Variants in CHD2 observed in about 807,000 individuals in gnomAD.
CHD2 encodes the protein ATP-dependent chromatin remodeler CHD2.
CHD2 carries 28 observed loss-of-function variants against 243.9 expected under a neutral mutation model. That is an observed-to-expected ratio of 0.11 (90% CI 0.09 to 0.16). The LOEUF (loss-of-function observed/expected upper bound fraction) is 0.16. CHD2 is among the 10% of genes least tolerant of loss of function. The pLI is 1.00. For missense variants in CHD2, 1,386 were observed against 2,209.8 expected, an observed-to-expected ratio of 0.63 and a Z score of 7.47; for synonymous variants, 775 against 779.0, an observed-to-expected ratio of 0.99 and a Z score of 0.09.
At chr15:92,959,110 G>C (rs1033773411) in intron 16 of CHD2, among the ~76,000 whole-genome samples, 1 of 152,148 alleles carries the variant, frequency 6.6e-6, no homozygotes, top group Admixed American at 6.5e-5. Flanking sequence ...TTAATTTATG[G>C]ATTTCTTTGT....
chr15:92,991,632 GGAAACATTTATTTA>G, intron 27 of CHD2, 115 bp downstream of exon 27: 1 of 654,824 alleles, frequency 1.5e-6, no homozygotes, highest in Admixed American at 3.2e-5. Flanking sequence ...TTTTTTTTCT[GGAAACATTTATTTA>G]CAAACATTTA....
At chr15:92,969,961 AG>A (rs2053819776) in intron 17 of CHD2, among the ~76,000 whole-genome samples, 1 of 151,946 alleles carries the variant, frequency 6.6e-6, no homozygotes. Context: ...TACCACAAGA[AG>A]TGGAAAAGAG....
intron 37 of CHD2, among the ~76,000 whole-genome samples, chr15:93,018,702 T>C (rs751800210): frequency 6.6e-5 from 10 of 152,216 alleles, no homozygotes; most frequent in Non-Finnish European, 1.3e-4. Context: ...TCTTCTGCCT[T>C]CTGGTGGCTG....
intron 34 of CHD2, 147 bp from the exon 35 acceptor site, chr15:93,008,998 A>T: frequency 3.6e-6 from 3 of 822,540 alleles, no homozygotes; most frequent in Non-Finnish European, 5.6e-6. Context: ...ACTTACACTT[A>T]CTCCACTGCA....
intron 5 of CHD2, among the ~76,000 whole-genome samples, chr15:92,933,626 C>T (rs940633492): frequency 6.6e-5 from 10 of 152,030 alleles, no homozygotes; most frequent in African/African-American, 2.2e-4. Flanking sequence ...GTTTTTGAGA[C>T]GGCGTTTTAT....
intron 7 of CHD2, among the ~76,000 whole-genome samples, chr15:92,940,962 T>A (rs1384723741): frequency 1.3e-4 from 4 of 29,630 alleles, no homozygotes; most frequent in Non-Finnish European, 2.3e-4. Flanking sequence ...TAAATATATA[T>A]AAATATAAAT....
chr15:92,969,353 G>A (rs1165634263), intron 17 of CHD2, among the ~76,000 whole-genome samples: 1 of 152,228 alleles, frequency 6.6e-6, no homozygotes, highest in Non-Finnish European at 1.5e-5. Flanking sequence ...AGCGTTCCCC[G>A]CAATCCCTGT....
At chr15:92,902,658 AC>A (rs1296447339) in intron 2 of CHD2, 1 of 152,474 alleles carries the variant, frequency 6.6e-6, no homozygotes, top group Non-Finnish European at 1.5e-5. Context: ...CATGTAAATT[AC>A]TAGATTAAAT....
At chr15:92,915,522 C>T (rs1399177755) in intron 2 of CHD2, among the ~76,000 whole-genome samples, 5 of 152,242 alleles carry the variant, frequency 3.3e-5, no homozygotes, top group Non-Finnish European at 5.9e-5. Context: ...CTGCCTGCCT[C>T]GGCCTCCCAA....
intron 7 of CHD2, among the ~76,000 whole-genome samples, chr15:92,940,893 A>T (rs1448257264): frequency 2.0e-4 from 18 of 88,396 alleles, no homozygotes; most frequent in South Asian, 1.5e-3. Flanking sequence ...TATATATAAA[A>T]ATATATATAA....
chr15:92,953,438 C>T lies in CHD2; in HGVS notation c.1584C>T (p.His528=). 6.2e-7 allele frequency: 1 copy of T among 1,614,180 alleles called. No individual in the cohort carries two copies. The highest frequency in any genetic ancestry group is 8.5e-7 in the Non-Finnish European group (1 of 1,180,036). Residue 528 remains histidine (H), a synonymous_variant, in exon 14 of 39, where the codon CAC becomes CAT. Coordinates refer to ENST00000394196, the MANE Select transcript of CHD2 (RefSeq NM_001271.4). ...TATCATTCCTCTCCTACCTGTTCCACCAACACCAGCTGTATGGCCCCTTTC... is the reference window on the plus strand; with the variant it reads ...TATCATTCCTCTCCTACCTGTTCCATCAACACCAGCTGTATGGCCCCTTTC... ...QTISFLSYLF[H]QHQLYGPFLI...
chr15:92,905,128 A>G, intron 2 of CHD2: 1 of 810,874 alleles, frequency 1.2e-6, no homozygotes. Context: ...GGCAACCATT[A>G]CTATGTAAGT....
At chr15:93,004,579 A>G (rs1385430074) in intron 33 of CHD2, 38 bp from the exon 34 acceptor site, 1 of 1,584,580 alleles carries the variant, frequency 6.3e-7, no homozygotes, top group Admixed American at 1.7e-5. Flanking sequence ...GTAGGATTGC[A>G]CAAATGACAA....
rs1007967662 is a variant in CHD2 at position 92,974,749 on chromosome 15, G to A, written c.2506-130G>A. ...TTCTTAAGCACAGCTTCTTCATAGC[G>A]CTTTGCCAGTGCTTTGCAGTTATTT... On this transcript the variant is annotated intron_variant, in intron 19 of 38. Coordinates refer to ENST00000394196, the MANE Select transcript of CHD2 (RefSeq NM_001271.4). 1.1e-5 allele frequency: 8 copies of A among 731,098 alleles called. No homozygotes were observed. The East Asian group carries it at 1.4e-4, about 13-fold the overall frequency. 45.3% of individuals were successfully genotyped at this position (731,098 alleles called of 1,614,324 possible).
At chr15:92,928,059 A>G (rs1317275463) in intron 4 of CHD2, among the ~76,000 whole-genome samples, 1 of 152,118 alleles carries the variant, frequency 6.6e-6, no homozygotes, top group African/African-American at 2.4e-5. Context: ...TCTTGGGAGG[A>G]CTTTGCTAGT....
At position 92,994,418 on chromosome 15, in the gene CHD2, A is replaced by G. The variant is rs144435589; in HGVS notation, c.3595+1420A>G. 4.3e-3 allele frequency among the ~76,000 whole-genome samples: 657 copies of G among 152,038 alleles called. 2 individuals are homozygous for G. Among genetic ancestry groups the G allele is most frequent in the Non-Finnish European group, 7.5e-3 (513 of 67,954 alleles). ...ATAATAAAAAATTATTTTATTATTC[A>G]ATAATAACCTTAATATTATTGAATT... is the stretch of plus-strand genomic sequence containing the variant. On this transcript the variant is annotated intron_variant, in intron 28 of 38. Transcript: ENST00000394196.
intron 16 of CHD2, among the ~76,000 whole-genome samples, chr15:92,957,990 G>C (rs1340452339): frequency 6.6e-6 from 1 of 152,140 alleles, no homozygotes; most frequent in Non-Finnish European, 1.5e-5. Flanking sequence ...GAGTCTGTCA[G>C]TAGGTGTTCT....
In CHD2 at chr15:92,979,118, A is replaced by G. The variant is rs2053945681; in HGVS notation, c.2728-17A>G. ...GGGGTGGTTCAGGCATAAGCATAAC[A>G]GTTCCTTTTCCTACAGGTAAATATT... On this transcript the variant is annotated splice_polypyrimidine_tract_variant and intron_variant, in intron 21 of 38. Coordinates refer to ENST00000394196, the MANE Select transcript of CHD2 (RefSeq NM_001271.4). 1 of 1,613,414 alleles carries G rather than the reference A, an allele frequency of 6.2e-7. No individual in the cohort carries two copies. Among genetic ancestry groups the G allele is most frequent in the African/African-American group, 1.3e-5 (1 of 75,004 alleles).
intron 4 of CHD2, among the ~76,000 whole-genome samples, chr15:92,928,528 T>C (rs1463800873): frequency 1.3e-5 from 2 of 152,242 alleles, no homozygotes; most frequent in Non-Finnish European, 2.9e-5. Context: ...ACATCAGTAG[T>C]TGGTGCCTTT....
Sources: allele counts gnomAD v4.1 joint callset (sites outside exome capture counted in the v4.1 genomes callset), GRCh38; gene constraint gnomAD v4.1.1; transcripts MANE v1.5; gene names NCBI Gene and HGNC (gene_info 2026-07-23, HGNC 2026-07-21).